The following PCDHGB3 variants were observed in gnomAD, a reference collection of about 807,000 sequenced individuals.
The protein encoded by PCDHGB3 is protocadherin gamma subfamily B, 3, also known as protocadherin gamma-B3.
Under a neutral mutation model 59.2 loss-of-function variants are expected in PCDHGB3, and 40 were observed. That is an observed-to-expected ratio of 0.68 (90% CI 0.52 to 0.88). PCDHGB3 has a LOEUF of 0.88. PCDHGB3 is among the 40% of genes least tolerant of loss of function. PCDHGB3 has a pLI of 0.00. For synonymous variants in PCDHGB3, 581 were observed against 503.6 expected (o/e 1.15, Z -2.06); for missense variants, 1,309 against 1,187.9 (o/e 1.10, Z -1.50).
At chr5:141,499,022 AAGG>A (rs2099788758) in intron 2 of PCDHGB3, among the ~76,000 whole-genome samples, 3 of 150,722 alleles carry the variant, frequency 2.0e-5, no homozygotes, top group Non-Finnish European at 3.0e-5. Context: ...GGAAGGAAGG[AAGG>A]AAGAAAAGAA....
intron 1 of PCDHGB3, chr5:141,408,609 A>G (rs765291231): frequency 1.2e-5 from 19 of 1,613,970 alleles, no homozygotes; most frequent in Non-Finnish European, 3.4e-6. Flanking sequence ...TTTGATAAAA[A>G]GGAAATACAT....
Position 141,372,316 on chromosome 5 carries a change from G to A in PCDHGB3, c.1922G>A (p.Arg641His), listed in dbSNP as rs1188130035. 6 of 1,613,520 alleles carry A rather than the reference G, an allele frequency of 3.7e-6. No homozygotes were observed. The highest frequency in any genetic ancestry group is 5.1e-6 in the Non-Finnish European group (6 of 1,179,894). ...GGCGACAGGGAGGCCGCCCGCCAGCGCCTGCTGGTCACTGTGCGTGATGGA... is the reference window on the plus strand; with the variant it reads ...GGCGACAGGGAGGCCGCCCGCCAGCACCTGCTGGTCACTGTGCGTGATGGA... ...TLGDREAARQ[R>H]LLVTVRDGGQ... The change falls in exon 1 of 4, where the codon CGC becomes CAC. Residue 641 changes from arginine to histidine, a missense_variant. Arg to His is a conservative substitution (Grantham distance 29). Coordinates refer to ENST00000576222, the MANE Select transcript of PCDHGB3 (RefSeq NM_018924.5).
Position 141,486,276 on chromosome 5 carries a change from T to C in PCDHGB3, c.2416-8531T>C. The C allele has an allele frequency of 1.2e-6, 2 of 1,613,980 alleles. No homozygotes were observed. The highest frequency in any genetic ancestry group is 1.7e-6 in the Non-Finnish European group (2 of 1,179,974). On this transcript the variant is annotated intron_variant, in intron 1 of 3. Coordinates refer to ENST00000576222, the MANE Select transcript of PCDHGB3 (RefSeq NM_018924.5). The surrounding 1 kb of genome is among the most constrained non-coding windows in gnomAD (Gnocchi z 5.0). ...CCCGAGAGTGCAGAACCTGGCACTG[T>C]GGTGGCACTTATCAGTGTGCAGGAT...
intron 1 of PCDHGB3, chr5:141,409,051 C>T (rs767003760): frequency 3.7e-6 from 6 of 1,614,032 alleles, no homozygotes; most frequent in Non-Finnish European, 5.1e-6. Context: ...ACTTCCGAAG[C>T]ACTGCCCAGA....
chr5:141,473,235 C>T (rs1322325327), intron 1 of PCDHGB3, among the ~76,000 whole-genome samples: 1 of 152,132 alleles, frequency 6.6e-6, no homozygotes, highest in Non-Finnish European at 1.5e-5. Flanking sequence ...TGGATCCACA[C>T]AAGTGAATAC....
At chr5:141,394,198 T>C in intron 1 of PCDHGB3, 1 of 1,613,874 alleles carries the variant, frequency 6.2e-7, no homozygotes, top group East Asian at 2.2e-5. Context: ...GCGTATATCC[T>C]AGAGAACAAC....
intron 1 of PCDHGB3, chr5:141,400,720 T>G (rs2150871186): frequency 1.5e-6 from 1 of 669,356 alleles, no homozygotes; most frequent in Non-Finnish European, 2.5e-6. Context: ...CCTTATAGAT[T>G]TACAAAGTAG....
intron 1 of PCDHGB3, among the ~76,000 whole-genome samples, chr5:141,460,135 T>G (rs2098983196): frequency 6.6e-6 from 1 of 152,044 alleles, no homozygotes; most frequent in South Asian, 2.1e-4. Flanking sequence ...ATATATATAT[T>G]CTTGATGTGA....
chr5:141,394,701 C>T lies in PCDHGB3; in HGVS notation c.2415+21892C>T, dbSNP rs375281416. Reference sequence around the variant, plus strand: ...GCACACGGGCGAGGTGCGCACGGCGCGAGCCCTGCTGGACAGAGATGCGCT... The same window carrying T: ...GCACACGGGCGAGGTGCGCACGGCGTGAGCCCTGCTGGACAGAGATGCGCT... On this transcript the variant is annotated intron_variant, in intron 1 of 3. Coordinates refer to ENST00000576222, the MANE Select transcript of PCDHGB3 (RefSeq NM_018924.5). The T allele has an allele frequency of 1.0e-4, 163 of 1,613,044 alleles. 1 individual carries two copies. The highest frequency in any genetic ancestry group is 1.3e-4 in the Non-Finnish European group (159 of 1,179,888).
At chr5:141,450,067 T>C (rs1007808503) in intron 1 of PCDHGB3, among the ~76,000 whole-genome samples, 4 of 147,604 alleles carry the variant, frequency 2.7e-5, no homozygotes, top group African/African-American at 1.0e-4. Context: ...AATGCAGTGG[T>C]ATGATCTTGG....
At chr5:141,414,406 C>T (rs1315007586) in intron 1 of PCDHGB3, 6 of 1,613,764 alleles carry the variant, frequency 3.7e-6, no homozygotes, top group African/African-American at 2.7e-5. Flanking sequence ...ATTGGTGATA[C>T]ACAGAGCCCT....
At chr5:141,375,358 G>C in intron 1 of PCDHGB3, 1 of 1,613,810 alleles carries the variant, frequency 6.2e-7, no homozygotes, top group Non-Finnish European at 8.5e-7. Context: ...TGACAGCCAC[G>C]GACAAAGGAA....
chr5:141,415,136 G>C (rs763832284), intron 1 of PCDHGB3: 1 of 1,613,548 alleles, frequency 6.2e-7, no homozygotes, highest in Admixed American at 1.7e-5. Flanking sequence ...CAGGACCACG[G>C]CCAGCCCCCT....
chr5:141,415,163 C>A, intron 1 of PCDHGB3: 1 of 1,613,856 alleles, frequency 6.2e-7, no homozygotes. Flanking sequence ...GCCACTGTCA[C>A]GCTCACCGTG....
intron 1 of PCDHGB3, among the ~76,000 whole-genome samples, chr5:141,467,211 C>G (rs1288732759): frequency 6.6e-6 from 1 of 152,068 alleles, no homozygotes; most frequent in Non-Finnish European, 1.5e-5. Context: ...TGCCACCATG[C>G]CTGGCTAATT....
chr5:141,374,853 TAGGCACACCAGTGTTG>T, intron 1 of PCDHGB3: 1 of 1,613,796 alleles, frequency 6.2e-7, no homozygotes, highest in Non-Finnish European at 8.5e-7. Context: ...AACCTGCCAG[TAGGCACACCAGTGTTG>T]GCAGTGACTG....
chr5:141,458,674 A>G (rs1315462699), intron 1 of PCDHGB3, among the ~76,000 whole-genome samples: 1 of 152,104 alleles, frequency 6.6e-6, no homozygotes, highest in East Asian at 1.9e-4. Flanking sequence ...GGTTCAAGCA[A>G]TTCTACTGCC....
At chr5:141,497,878 C>T (rs553853040) in intron 2 of PCDHGB3, among the ~76,000 whole-genome samples, 32 of 152,256 alleles carry the variant, frequency 2.1e-4, no homozygotes, top group Non-Finnish European at 3.5e-4. Flanking sequence ...GTGAAATAAG[C>T]GTTAGGATCT....
chr5:141,395,437 G>A lies in PCDHGB3; in HGVS notation c.2415+22628G>A, dbSNP rs973609255. On this transcript the variant is annotated intron_variant, in intron 1 of 3. Coordinates refer to ENST00000576222, the MANE Select transcript of PCDHGB3 (RefSeq NM_018924.5). ...TGTTTCATTTGCTTTTAAACGACTT[G>A]GAAAAGATTGTTCAACCATTTTAAG... 5.2e-5 allele frequency: 35 copies of A among 668,254 alleles called. No homozygotes were observed. The African/African-American group carries it at 6.1e-4, about 12-fold the overall frequency. 41.4% of individuals were successfully genotyped at this position (668,254 alleles called of 1,614,324 possible).
Sources: allele counts gnomAD v4.1 joint callset (sites outside exome capture counted in the v4.1 genomes callset), GRCh38; gene constraint gnomAD v4.1.1; non-coding constraint Gnocchi (gnomAD v3.1); transcripts MANE v1.5; gene names NCBI Gene and HGNC (gene_info 2026-07-23, HGNC 2026-07-21).